Variants in HS3ST3B1 observed in about 807,000 individuals in gnomAD.
HS3ST3B1 encodes the protein heparan sulfate-glucosamine 3-sulfotransferase 3B1, also known as heparan sulfate glucosamine 3-O-sulfotransferase 3B1.
A neutral mutation model predicts 21.3 loss-of-function variants in HS3ST3B1; 13 were observed. The ratio of observed to expected loss-of-function variants is 0.61; its 90% CI spans 0.40 to 0.97. The LOEUF is 0.97. Ranked by LOEUF, HS3ST3B1 falls within the 50% of genes least tolerant of loss-of-function variation. The pLI is 0.00. For missense variants in HS3ST3B1, 459 were observed against 554.8 expected, an observed-to-expected ratio of 0.83 and a Z score of 1.73; for synonymous variants, 234 against 254.8, an observed-to-expected ratio of 0.92 and a Z score of 0.78.
At chr17:14,333,919 C>T (rs764575189) in intron 1 of HS3ST3B1, among the ~76,000 whole-genome samples, 15 of 152,212 alleles carry the variant, frequency 9.9e-5, no homozygotes, top group South Asian at 4.1e-4. Flanking sequence ...TGTGCCACCA[C>T]GACCAGCTAA....
At chr17:14,333,146 C>T (rs1910073545) in intron 1 of HS3ST3B1, among the ~76,000 whole-genome samples, 1 of 151,922 alleles carries the variant, frequency 6.6e-6, no homozygotes, top group African/African-American at 2.4e-5. Flanking sequence ...GAAAGAAAAC[C>T]AGAGCCATAG....
At chr17:14,310,444 C>T (rs57976099) in intron 1 of HS3ST3B1, among the ~76,000 whole-genome samples, 9,360 of 152,278 alleles carry the variant, frequency 0.061, 475 homozygotes, top group African/African-American at 0.13. Context: ...GTGGTGCCAA[C>T]AACTCTTGTG....
At chr17:14,333,884 T>A (rs1050176939) in intron 1 of HS3ST3B1, among the ~76,000 whole-genome samples, 10 of 152,106 alleles carry the variant, frequency 6.6e-5, no homozygotes, top group Non-Finnish European at 1.2e-4. Flanking sequence ...TGCCTCAGCC[T>A]CCCCAGTAGC....
intron 1 of HS3ST3B1, among the ~76,000 whole-genome samples, chr17:14,331,729 T>G (rs1314470905): frequency 1.3e-5 from 2 of 152,186 alleles, no homozygotes; most frequent in African/African-American, 4.8e-5. Flanking sequence ...AGCCAGTAAC[T>G]ATTTACAATT....
chr17:14,313,102 G>A (rs1174326664), intron 1 of HS3ST3B1, among the ~76,000 whole-genome samples: 6 of 95,672 alleles, frequency 6.3e-5, no homozygotes, highest in African/African-American at 1.5e-4. Flanking sequence ...TGGTGTGTGT[G>A]TGTGTGTATA....
At chr17:14,319,812 A>G (rs1016578508) in intron 1 of HS3ST3B1, among the ~76,000 whole-genome samples, 1 of 151,772 alleles carries the variant, frequency 6.6e-6, no homozygotes, top group African/African-American at 2.4e-5. Flanking sequence ...TTTGGGGAAA[A>G]GGTGGTGTTT....
intron 1 of HS3ST3B1, among the ~76,000 whole-genome samples, chr17:14,336,603 A>G (rs965351116): frequency 1.1e-4 from 16 of 152,192 alleles, no homozygotes; most frequent in Admixed American, 1.0e-3. Flanking sequence ...CTGACTTGGC[A>G]GGAAGTCAGC....
intron 1 of HS3ST3B1, among the ~76,000 whole-genome samples, chr17:14,323,547 T>G (rs1909719384): frequency 6.6e-6 from 1 of 152,108 alleles, no homozygotes; most frequent in Non-Finnish European, 1.5e-5. Flanking sequence ...CCACTTTTGG[T>G]TTGCTTCTTT....
rs1302188033 is a variant in HS3ST3B1, at chr17:14,345,038, C to A, written c.565C>A (p.Pro189Thr). 1 of 1,603,366 alleles carries A rather than the reference C, an allele frequency of 6.2e-7. No individual in the cohort carries two copies. Among genetic ancestry groups the A allele is most frequent in the Non-Finnish European group, 8.5e-7 (1 of 1,173,216 alleles). ...KGLAWYRDLM[P>T]RTLDGQITME... ...GCTTGCGTTTCTCAGGGACCTGATG[C>A]CCAGAACCCTGGACGGGCAGATCAC... Residue 189 changes from proline to threonine, a missense_variant, in exon 2 of 2, where the codon CCC becomes ACC. Around this residue, in one of 3 missense-constraint regions of HS3ST3B1, gnomAD observed 317 missense variants for 278.6 expected, o/e 1.14. Coordinates refer to ENST00000360954, the MANE Select transcript of HS3ST3B1 (RefSeq NM_006041.3).
chr17:14,302,893 G>T (rs953469255), intron 1 of HS3ST3B1, among the ~76,000 whole-genome samples: 4 of 152,218 alleles, frequency 2.6e-5, no homozygotes, highest in Non-Finnish European at 5.9e-5. Flanking sequence ...TTACACGTCC[G>T]GAGCAAAGAA....
In HS3ST3B1 at chr17:14,345,892, C is replaced by A; in HGVS notation, c.*246C>A. On this transcript the variant is annotated 3_prime_UTR_variant, in exon 2 of 2. Coordinates refer to ENST00000360954, the MANE Select transcript of HS3ST3B1 (RefSeq NM_006041.3). ...TGGTGCTTCTATTTTTTCTTCTCCC[C>A]TACCTGTTATATTTAAAACAAAGAA... The A allele has an allele frequency of 2.1e-6, 1 of 483,192 alleles. No homozygotes were observed. Among genetic ancestry groups the A allele is most frequent in the Non-Finnish European group, 3.5e-6 (1 of 285,224 alleles). 29.9% of individuals were successfully genotyped at this position (483,192 alleles called of 1,614,324 possible).
intron 1 of HS3ST3B1, among the ~76,000 whole-genome samples, chr17:14,326,023 G>A (rs1420970967): frequency 1.3e-5 from 2 of 151,534 alleles, no homozygotes; most frequent in South Asian, 2.1e-4. Context: ...GTGTGTGTAC[G>A]TGTGTGTGTG....
intron 1 of HS3ST3B1, among the ~76,000 whole-genome samples, chr17:14,302,671 G>A (rs1184799543): frequency 5.3e-5 from 8 of 152,044 alleles, no homozygotes; most frequent in Non-Finnish European, 1.2e-4. Flanking sequence ...GGTGAGCCGG[G>A]CGGGTGGCCC....
At chr17:14,336,299 G>A (rs1910183903) in intron 1 of HS3ST3B1, among the ~76,000 whole-genome samples, 1 of 152,186 alleles carries the variant, frequency 6.6e-6, no homozygotes, top group Non-Finnish European at 1.5e-5. Flanking sequence ...TAATTTACCA[G>A]TTCAAACAGT....
intron 1 of HS3ST3B1, chr17:14,305,346 C>A (rs1468744284): frequency 6.6e-6 from 1 of 152,230 alleles, no homozygotes; most frequent in South Asian, 2.1e-4. Context: ...CTGGGTGTTA[C>A]TTCCTGTTCC....
At chr17:14,307,804 C>T (rs1346624127) in intron 1 of HS3ST3B1, among the ~76,000 whole-genome samples, 5 of 152,152 alleles carry the variant, frequency 3.3e-5, no homozygotes, top group Non-Finnish European at 7.3e-5. Context: ...GCATAATGAG[C>T]ATTTCTTTTG....
At chr17:14,307,285 T>C (rs1452044532) in intron 1 of HS3ST3B1, among the ~76,000 whole-genome samples, 1 of 152,166 alleles carries the variant, frequency 6.6e-6, no homozygotes, top group Non-Finnish European at 1.5e-5. Context: ...AACTGATAAT[T>C]GAAAATTTAC....
At chr17:14,311,804 T>C (rs1031086266) in intron 1 of HS3ST3B1, among the ~76,000 whole-genome samples, 2 of 152,110 alleles carry the variant, frequency 1.3e-5, no homozygotes, top group Non-Finnish European at 2.9e-5. Context: ...TAATCCCAGG[T>C]ATGCATCAAC....
intron 1 of HS3ST3B1, among the ~76,000 whole-genome samples, chr17:14,337,801 G>A (rs2142350186): frequency 6.6e-6 from 1 of 151,790 alleles, no homozygotes; most frequent in South Asian, 2.1e-4. Flanking sequence ...ACAACTTTCA[G>A]TTCTGCTGAC....
Sources: gnomAD v4.1 joint callset for allele counts (sites outside exome capture counted in the v4.1 genomes callset) on GRCh38, gnomAD v4.1.1 for gene constraint, gnomAD v4.1.1 regional missense constraint, MANE v1.5 for transcripts, NCBI Gene and HGNC (gene_info 2026-07-23, HGNC 2026-07-21) for gene names.